The following GIN1 variants were observed in gnomAD, a reference collection of about 807,000 sequenced individuals.
GIN1 encodes gypsy retrotransposon integrase-like protein 1.
In GIN1, 41 loss-of-function variants were observed where a neutral mutation model predicts 51.4. The ratio of observed to expected loss-of-function variants is 0.80; its 90% CI spans 0.62 to 1.04. GIN1 has a LOEUF of 1.04. GIN1 is among the 50% of genes least tolerant of loss of function. GIN1 has a pLI of 0.00. For missense variants in GIN1, 610 were observed against 612.4 expected, an observed-to-expected ratio of 1.00 and a Z score of 0.04; for synonymous variants, 222 against 206.5, an observed-to-expected ratio of 1.07 and a Z score of -0.64.
intron 4 of GIN1, among the ~76,000 whole-genome samples, chr5:103,103,908 A>C (rs1461764478): frequency 6.7e-6 from 1 of 149,798 alleles, no homozygotes; most frequent in Non-Finnish European, 1.5e-5. Flanking sequence ...TCCTATCTCA[A>C]CCTCCCGAGT....
At chr5:103,093,637 TG>T (rs1211053295) in intron 7 of GIN1, among the ~76,000 whole-genome samples, 1 of 152,206 alleles carries the variant, frequency 6.6e-6, no homozygotes, top group South Asian at 2.1e-4. Flanking sequence ...GTTTCACAAA[TG>T]GGGCTTTCAA....
chr5:103,093,894 G>C (rs1554194775), intron 7 of GIN1, among the ~76,000 whole-genome samples: 1 of 152,130 alleles, frequency 6.6e-6, no homozygotes, highest in African/African-American at 2.4e-5. Context: ...GAAAAATATT[G>C]TATACCTAGT....
chr5:103,096,008 C>T (rs1267102014), intron 7 of GIN1, among the ~76,000 whole-genome samples: 1 of 152,078 alleles, frequency 6.6e-6, no homozygotes. Flanking sequence ...AAAACAAGTT[C>T]AGTATCTCCC....
chr5:103,104,924 G>A lies in GIN1; in HGVS notation c.334-78C>T, dbSNP rs1230625478. ...AATATAAAAGCAGTCTTATAAATCT[G>A]AATTTTAAAATGGTTAATAGGTATA... On this transcript the variant is annotated intron_variant, in intron 3 of 7. Coordinates refer to ENST00000399004, the MANE Select transcript of GIN1 (RefSeq NM_017676.2). 5 of 903,742 alleles carry A rather than the reference G, an allele frequency of 5.5e-6. No individual in the cohort carries two copies. The Admixed American group carries it at 1.3e-4, about 24-fold the overall frequency. The allele number at this position is 903,742 out of a possible 1,614,324, so 56.0% of individuals were successfully genotyped here. A position where few individuals can be genotyped will look rare whatever the true frequency, so the allele number is the denominator to read the frequency against.
intron 7 of GIN1, among the ~76,000 whole-genome samples, chr5:103,089,421 C>A (rs1787172795): frequency 6.6e-6 from 1 of 151,566 alleles, no homozygotes; most frequent in East Asian, 1.9e-4. Flanking sequence ...ATTTATTTAT[C>A]TTTATTTACT....
chr5:103,104,743 T>A lies in GIN1; in HGVS notation c.437A>T (p.Asp146Val), dbSNP rs1787676891. Reference sequence around the variant, plus strand: ...GCTTGTATGAAAAGGCCCCATCAGATCAACAGTAACTAAACTCCATGGATT... The same window carrying A: ...GCTTGTATGAAAAGGCCCCATCAGAACAACAGTAACTAAACTCCATGGATT... ...VENPWSLVTV[D>V]LMGPFHTSNR... Residue 146 changes from aspartate to valine, a missense_variant, in exon 4 of 8, where the codon GAT becomes GTT. Physicochemically the swap from Asp to Val is radical, Grantham distance 152. Transcript: ENST00000399004. 1 of 1,610,584 alleles carries A rather than the reference T, an allele frequency of 6.2e-7. No homozygotes were observed. Among genetic ancestry groups the A allele is most frequent in the Non-Finnish European group, 8.5e-7 (1 of 1,176,968 alleles).
Position 103,096,777 on chromosome 5 carries a change from T to G in GIN1, c.1058A>C (p.Lys353Thr). 6.2e-7 allele frequency: 1 copy of G among 1,608,782 alleles called. No individual in the cohort carries two copies. ...DELNKSKIIV[K>T]KKPKQLNPFH... ...TGGATTTAATTGTTTGGGTTTCTTT[T>G]TAACAATGATCTTGCTTTTATTTAG... The change falls in exon 7 of 8, where the codon AAA becomes ACA. Residue 353 changes from lysine to threonine, a missense_variant. Lys to Thr is a moderately conservative substitution (Grantham distance 78). Transcript: ENST00000399004.
chr5:103,112,055 A>T (rs1787902412), intron 1 of GIN1, among the ~76,000 whole-genome samples: 2 of 43,590 alleles, frequency 4.6e-5, no homozygotes, highest in Admixed American at 6.8e-4. Flanking sequence ...TCCTCAGAGT[A>T]AACCTATAGT....
In GIN1 at chr5:103,091,721, C is replaced by A. The variant is rs949810646; in HGVS notation, c.1295-3549G>T. On this transcript the variant is annotated intron_variant, in intron 7 of 7. Transcript: ENST00000399004. ...GGTCTCAGCCAGGCATGGTGGCTCA[C>A]GCCTATAATCCCAGGGGTCTCAGCC... Among the ~76,000 whole-genome samples, 183 of 151,366 alleles carry A rather than the reference C, an allele frequency of 1.2e-3. 1 individual carries two copies. Among genetic ancestry groups the A allele is most frequent in the East Asian group, 1.2e-3 (6 of 5,120 alleles).
intron 7 of GIN1, among the ~76,000 whole-genome samples, chr5:103,094,092 T>C (rs893993741): frequency 3.9e-5 from 6 of 152,196 alleles, no homozygotes; most frequent in Non-Finnish European, 5.9e-5. Context: ...TCAAAATTTA[T>C]GTCAAATAAA....
Position 103,115,188 on chromosome 5 carries a change from C to T in GIN1, c.-8+4876G>A, listed in dbSNP as rs144926757. 1.3e-4 allele frequency among the ~76,000 whole-genome samples: 20 copies of T among 152,256 alleles called. No homozygotes were observed. The East Asian group carries it at 3.9e-3, about 29-fold the overall frequency. On this transcript the variant is annotated intron_variant, in intron 1 of 7. Coordinates refer to ENST00000399004, the MANE Select transcript of GIN1 (RefSeq NM_017676.2). Reference sequence around the variant, plus strand: ...TAAACAAGATGTAGATTCTCTTGACCTTCATTGAGTTTACATTCTAGTGGG... The same window carrying T: ...TAAACAAGATGTAGATTCTCTTGACTTTCATTGAGTTTACATTCTAGTGGG...
At chr5:103,105,375 A>C (rs1160803579) in intron 3 of GIN1, among the ~76,000 whole-genome samples, 2 of 152,194 alleles carry the variant, frequency 1.3e-5, no homozygotes, top group African/African-American at 4.8e-5. Context: ...ATAAATATTT[A>C]TTAAATACTT....
intron 1 of GIN1, among the ~76,000 whole-genome samples, chr5:103,111,325 A>C (rs1298144844): frequency 6.6e-6 from 1 of 152,166 alleles, no homozygotes; most frequent in African/African-American, 2.4e-5. Flanking sequence ...TAGACTATAC[A>C]TACTGTAAAA....
rs1287361965 is a variant in GIN1 at position 103,086,820 on chromosome 5, A to G, written c.*1078T>C. The G allele has an allele frequency of 1.3e-5, 2 of 152,214 alleles. No homozygotes were observed. Among genetic ancestry groups the G allele is most frequent in the African/African-American group, 4.8e-5 (2 of 41,452 alleles). 9.4% of individuals were successfully genotyped at this position (152,214 alleles called of 1,614,324 possible). On this transcript the variant is annotated 3_prime_UTR_variant, in exon 8 of 8. Coordinates refer to ENST00000399004, the MANE Select transcript of GIN1 (RefSeq NM_017676.2). ...GAGGTACACGTTTGACTCATCTTTT[A>G]CTTTTCCCACAGTTCTTTTCATAGT...
At chr5:103,105,360 A>G (rs1404703223) in intron 3 of GIN1, among the ~76,000 whole-genome samples, 1 of 152,182 alleles carries the variant, frequency 6.6e-6, no homozygotes, top group Non-Finnish European at 1.5e-5. Flanking sequence ...TCTGGTTCAC[A>G]TTCAATAAAT....
intron 6 of GIN1, 146 bp from the exon 7 acceptor site, chr5:103,096,972 T>C: frequency 1.6e-6 from 1 of 627,624 alleles, no homozygotes; most frequent in South Asian, 2.0e-5. Flanking sequence ...TCTTAAAACA[T>C]TTCAAAGTCA....
At chr5:103,106,980 C>T in intron 2 of GIN1, 71 bp from the exon 3 acceptor site, 1 of 761,022 alleles carries the variant, frequency 1.3e-6, no homozygotes, top group East Asian at 2.9e-5. Flanking sequence ...AGAATCATAG[C>T]CTTCTCTTTA....
intron 1 of GIN1, among the ~76,000 whole-genome samples, chr5:103,113,521 C>CTT (rs368036001): frequency 1.0e-3 from 135 of 132,516 alleles, no homozygotes; most frequent in East Asian, 3.3e-3. Context: ...AGTTCCACCT[C>CTT]TTTTTTTTTT....
chr5:103,104,831 G>T lies in GIN1; in HGVS notation c.349C>A (p.His117Asn). The change falls in exon 4 of 8, where the codon CAT becomes AAT. Residue 117 changes from histidine to asparagine, a missense_variant. Physicochemically the swap from His to Asn is moderately conservative, Grantham distance 68. Coordinates refer to ENST00000399004, the MANE Select transcript of GIN1 (RefSeq NM_017676.2). ...DVKQWVYACQ[H>N]CQVAKNTVIV... ...ACTGTATTTTTTGCCACTTGGCAAT[G>T]CTGACAAGCATATACCTACAACAGG... is the stretch of plus-strand genomic sequence containing the variant. 1.3e-6 allele frequency: 2 copies of T among 1,598,742 alleles called. No individual in the cohort carries two copies. The highest frequency in any genetic ancestry group is 8.6e-7 in the Non-Finnish European group (1 of 1,168,842).
Sources: allele counts gnomAD v4.1 joint callset (sites outside exome capture counted in the v4.1 genomes callset), GRCh38; gene constraint gnomAD v4.1.1; transcripts MANE v1.5; gene names NCBI Gene and HGNC (gene_info 2026-07-23, HGNC 2026-07-21).